ATE1: variants seen among roughly 807,000 people sequenced by gnomAD.
ATE1 encodes arginyltransferase 1.
Under a neutral mutation model 70.5 loss-of-function variants are expected in ATE1, and 36 were observed. That is an observed-to-expected ratio of 0.51 (90% CI 0.39 to 0.67). The LOEUF (loss-of-function observed/expected upper bound fraction) is 0.67, where lower values mean the gene tolerates loss of function less well. Among genes scored for constraint, ATE1 ranks in the 30% least tolerant of loss-of-function variants. ATE1 has a pLI of 0.00. For missense variants in ATE1, 593 were observed against 629.5 expected, an observed-to-expected ratio of 0.94 and a Z score of 0.62; for synonymous variants, 232 against 219.3, an observed-to-expected ratio of 1.06 and a Z score of -0.51.
chr10:121,854,288 C>G (rs543053666), intron 8 of ATE1, among the ~76,000 whole-genome samples: 138 of 152,296 alleles, frequency 9.1e-4, no homozygotes, highest in African/African-American at 3.2e-3. Flanking sequence ...ATCTTAATAT[C>G]TGCACATATT....
At chr10:121,819,873 T>C (rs1440716041) in intron 10 of ATE1, among the ~76,000 whole-genome samples, 1 of 151,006 alleles carries the variant, frequency 6.6e-6, no homozygotes, top group Non-Finnish European at 1.5e-5. Flanking sequence ...AGGCCGGGCG[T>C]GGTGGCTCAT....
chr10:121,920,574 TAA>T (rs1222807992), intron 3 of ATE1, among the ~76,000 whole-genome samples: 1 of 150,894 alleles, frequency 6.6e-6, no homozygotes, highest in Non-Finnish European at 1.5e-5. Flanking sequence ...ATAACCAGAA[TAA>T]GAGAGAAGAT....
intron 7 of ATE1, among the ~76,000 whole-genome samples, chr10:121,896,860 C>G (rs1228843396): frequency 6.7e-6 from 1 of 149,298 alleles, no homozygotes; most frequent in East Asian, 2.0e-4. Context: ...AGCCTCATCC[C>G]CTATTACCTC....
Position 121,902,438 on chromosome 10 carries a change from C to A in ATE1, c.766G>T (p.Asp256Tyr). Reference protein sequence around the residue: ...AKSNQPKSLEDLIFESLPENA... With the variant: ...AKSNQPKSLEYLIFESLPENA... ...TCTGGTAAAGACTCAAAAATTAAAT[C>A]TTCGAGTGATTTTGGCTGGTTGGAT... The change falls in exon 6 of 12, where the codon GAT becomes TAT. Residue 256 changes from aspartate (D) to tyrosine (Y), a missense_variant. Physicochemically the swap from Asp to Tyr is radical, Grantham distance 160. Transcript: ENST00000224652. The A allele has an allele frequency of 6.2e-7, 1 of 1,614,172 alleles. No individual in the cohort carries two copies. The highest frequency in any genetic ancestry group is 1.1e-5 in the South Asian group (1 of 91,082).
chr10:121,845,630 A>G (rs1342716618), intron 8 of ATE1, among the ~76,000 whole-genome samples: 2 of 152,176 alleles, frequency 1.3e-5, no homozygotes, highest in Non-Finnish European at 2.9e-5. Flanking sequence ...GTTGTTTCCC[A>G]CAGAGTTACT....
chr10:121,878,739 TA>T (rs1047163276), intron 7 of ATE1, among the ~76,000 whole-genome samples: 14 of 152,200 alleles, frequency 9.2e-5, no homozygotes, highest in Non-Finnish European at 1.9e-4. Context: ...GGATTTTTCC[TA>T]AAATCAGTGA....
chr10:121,750,087 T>C (rs993613611), intron 11 of ATE1, among the ~76,000 whole-genome samples: 1 of 152,154 alleles, frequency 6.6e-6, no homozygotes, highest in African/African-American at 2.4e-5. Context: ...CCATTAACAA[T>C]AAATTATGAT....
intron 11 of ATE1, among the ~76,000 whole-genome samples, chr10:121,769,176 G>A (rs1945399272): frequency 6.6e-6 from 1 of 152,168 alleles, no homozygotes; most frequent in Admixed American, 6.5e-5. Flanking sequence ...TCAAGACTGT[G>A]TAGTATTGGT....
At chr10:121,745,628 G>C (rs1310359242) in intron 11 of ATE1, among the ~76,000 whole-genome samples, 1 of 152,212 alleles carries the variant, frequency 6.6e-6, no homozygotes, top group Non-Finnish European at 1.5e-5. Flanking sequence ...TCAGGAGGCT[G>C]AGGCAGGAGA....
At position 121,814,969 on chromosome 10, in the gene ATE1, G is replaced by C. The variant is rs557012015; in HGVS notation, c.1257+21749C>G. 4.5e-4 allele frequency among the ~76,000 whole-genome samples: 68 copies of C among 152,314 alleles called. No homozygotes were observed. In the South Asian group the frequency reaches 0.014, roughly 31 times the overall value. ...TGCTCTTCGTACTAAAAAAGATAAA[G>C]TGTATTTAGCTGCTAGAGTGAAAGT... On this transcript the variant is annotated intron_variant, in intron 10 of 11. Coordinates refer to ENST00000224652, the MANE Select transcript of ATE1 (RefSeq NM_001001976.3).
At chr10:121,764,879 A>G (rs552553776) in intron 11 of ATE1, among the ~76,000 whole-genome samples, 3 of 152,186 alleles carry the variant, frequency 2.0e-5, no homozygotes, top group Non-Finnish European at 4.4e-5. Flanking sequence ...GCTTCTAGTA[A>G]AACTGTTGTC....
rs527377827 is a variant in ATE1, at chr10:121,903,965, T to C, written c.584-1345A>G. On this transcript the variant is annotated intron_variant, in intron 5 of 11. Transcript: ENST00000224652. Reference sequence around the variant, plus strand: ...ACAGGATTTACCTTTCTTTGTAGTGTTCTCTTTTCTCCAAATTTTCTTTTT... The same window carrying C: ...ACAGGATTTACCTTTCTTTGTAGTGCTCTCTTTTCTCCAAATTTTCTTTTT... Among the ~76,000 whole-genome samples the C allele has an allele frequency of 4.6e-5, 7 of 151,654 alleles. No homozygotes were observed. In the South Asian group the frequency reaches 1.5e-3, roughly 32 times the overall value.
chr10:121,819,867 C>G (rs185860840), intron 10 of ATE1, among the ~76,000 whole-genome samples: 1 of 150,988 alleles, frequency 6.6e-6, no homozygotes. Context: ...TAAAACAGGC[C>G]GGGCGTGGTG....
In ATE1 at chr10:121,919,236, G is replaced by C. The variant is rs11817929; in HGVS notation, c.233+3113C>G. ...ATTTAAGAGCTGTAACACTCACTGC[G>C]AAGGTCTGCGGCTTCATTCTTGAAG... On this transcript the variant is annotated intron_variant, in intron 3 of 11. Coordinates refer to ENST00000224652, the MANE Select transcript of ATE1 (RefSeq NM_001001976.3). 7.1e-3 allele frequency among the ~76,000 whole-genome samples: 1,078 copies of C among 152,144 alleles called. 25 individuals are homozygous for C. Among genetic ancestry groups the C allele is most frequent in the African/African-American group, 0.025 (1,020 of 41,504 alleles).
At chr10:121,906,098 A>C (rs1474192135) in intron 5 of ATE1, among the ~76,000 whole-genome samples, 4 of 152,196 alleles carry the variant, frequency 2.6e-5, no homozygotes. Context: ...TTTTAAATTA[A>C]AATGGAAATG....
chr10:121,903,677 ACT>A (rs1444133131), intron 5 of ATE1, among the ~76,000 whole-genome samples: 28 of 151,912 alleles, frequency 1.8e-4, no homozygotes, highest in African/African-American at 5.8e-4. Context: ...ACAGAGTGAG[ACT>A]CTGTCTCAAA....
chr10:121,769,018 T>C (rs963498440), intron 11 of ATE1, among the ~76,000 whole-genome samples: 55 of 113,798 alleles, frequency 4.8e-4, no homozygotes, highest in Non-Finnish European at 4.1e-4. Context: ...CAAGTCTCTG[T>C]AAGAATTTTT....
chr10:121,905,935 T>C lies in ATE1; in HGVS notation c.584-3315A>G, dbSNP rs538561897. Among the ~76,000 whole-genome samples the C allele has an allele frequency of 1.2e-4, 19 of 152,156 alleles. No individual in the cohort carries two copies. The East Asian group carries it at 3.5e-3, about 28-fold the overall frequency. ...ATTGCTTCAACAGAATGAAAATAGA[T>C]CATCAGTGTAAAATCAGTACACTAT... On this transcript the variant is annotated intron_variant, in intron 5 of 11. Transcript: ENST00000224652.
intron 7 of ATE1, 41 bp from the exon 8 acceptor site, chr10:121,870,079 C>T (rs1949798314): frequency 6.3e-7 from 1 of 1,587,824 alleles, no homozygotes; most frequent in African/African-American, 1.3e-5. Flanking sequence ...ATCCAGTAAA[C>T]AGACGGCAAA....
Sources: allele counts gnomAD v4.1 joint callset (sites outside exome capture counted in the v4.1 genomes callset), GRCh38; gene constraint gnomAD v4.1.1; transcripts MANE v1.5; gene names NCBI Gene and HGNC (gene_info 2026-07-23, HGNC 2026-07-21).